Variants in RGS6 observed in about 807,000 individuals in gnomAD.
RGS6 encodes regulator of G-protein signaling 6.
Under a neutral mutation model 78.5 loss-of-function variants are expected in RGS6, and 30 were observed. That is an observed-to-expected ratio of 0.38 (90% CI 0.29 to 0.52). The LOEUF is 0.52. Among genes scored for constraint, RGS6 ranks in the 20% least tolerant of loss-of-function variants. The pLI, the probability that RGS6 is intolerant of heterozygous loss-of-function variation, is 0.85. For missense variants in RGS6, 495 were observed against 609.7 expected (o/e 0.81, Z 1.98); for synonymous variants, 206 against 206.0 (o/e 1.00, Z 0.00).
chr14:72,030,482 T>A (rs1459820187), intron 2 of RGS6, among the ~76,000 whole-genome samples: 1 of 152,184 alleles, frequency 6.6e-6, no homozygotes, highest in Non-Finnish European at 1.5e-5. Flanking sequence ...TGGACATGGT[T>A]GATTATGGTA....
At chr14:72,298,069 A>G (rs981568322) in intron 2 of RGS6, among the ~76,000 whole-genome samples, 2 of 152,132 alleles carry the variant, frequency 1.3e-5, no homozygotes, top group African/African-American at 2.4e-5. Flanking sequence ...TGTCTTGCAG[A>G]TGATTTTATA....
chr14:72,282,472 G>A (rs146807089), intron 2 of RGS6, among the ~76,000 whole-genome samples: 301 of 152,286 alleles, frequency 2.0e-3, no homozygotes, highest in Non-Finnish European at 3.2e-3. Context: ...TAACAGAGGG[G>A]TTGGAAGACA....
chr14:72,125,360 G>A (rs2096163173), intron 2 of RGS6, among the ~76,000 whole-genome samples: 1 of 152,144 alleles, frequency 6.6e-6, no homozygotes, highest in Non-Finnish European at 1.5e-5. Context: ...GCTGTGCTGT[G>A]CGTGTACTGG....
At chr14:72,619,309 G>A in the RGS6 span, 6 of 1,536,134 alleles carry the variant, frequency 3.9e-6, no homozygotes, top group Non-Finnish European at 5.2e-6. Context: ...AGGCCTGGCA[G>A]CCAAAGGCTG....
At chr14:72,239,474 T>C (rs1031828647) in intron 2 of RGS6, among the ~76,000 whole-genome samples, 5 of 152,234 alleles carry the variant, frequency 3.3e-5, no homozygotes, top group South Asian at 2.1e-4. Context: ...TGCTGAATTA[T>C]CATTTTTAGA....
At chr14:72,604,492 A>T in the RGS6 span, among the ~76,000 whole-genome samples, 1 of 152,012 alleles carries the variant, frequency 6.6e-6, no homozygotes, top group Non-Finnish European at 1.5e-5. Context: ...TACATGCTAT[A>T]CCTCTCAGTT....
At chr14:72,602,316 G>C in the RGS6 span, among the ~76,000 whole-genome samples, 2 of 152,204 alleles carry the variant, frequency 1.3e-5, no homozygotes, top group African/African-American at 4.8e-5. Flanking sequence ...GTCGACGAGA[G>C]GATGGTAGGA....
intron 16 of RGS6, among the ~76,000 whole-genome samples, chr14:72,538,996 T>G (rs1328050959): frequency 2.6e-5 from 4 of 152,216 alleles, no homozygotes; most frequent in Non-Finnish European, 5.9e-5. Flanking sequence ...TATGTTTGTG[T>G]CTATGTGAGT....
At chr14:72,505,700 T>C (rs28378098) in intron 13 of RGS6, among the ~76,000 whole-genome samples, 2,065 of 152,310 alleles carry the variant, frequency 0.014, 43 homozygotes, top group African/African-American at 0.047. Flanking sequence ...GGCTGCCACC[T>C]ACCAGCTGTG....
At chr14:72,515,604 T>G (rs1461345976) in intron 14 of RGS6, 3 of 152,284 alleles carry the variant, frequency 2.0e-5, no homozygotes, top group Non-Finnish European at 4.4e-5. Flanking sequence ...AGGCGGAGGT[T>G]GCAGTGAGCC....
At chr14:72,092,272 AC>A (rs1402091914) in intron 2 of RGS6, among the ~76,000 whole-genome samples, 5 of 151,212 alleles carry the variant, frequency 3.3e-5, no homozygotes, top group Admixed American at 3.3e-4. Flanking sequence ...TGATCCACCC[AC>A]TTCGGCCTCC....
intron 3 of RGS6, among the ~76,000 whole-genome samples, chr14:72,428,598 A>G (rs982906668): frequency 1.3e-5 from 2 of 152,158 alleles, no homozygotes; most frequent in Admixed American, 6.5e-5. Flanking sequence ...CTCTTCATCA[A>G]TGGTCAAATA....
At chr14:72,312,092 A>G (rs2068762097) in intron 2 of RGS6, among the ~76,000 whole-genome samples, 1 of 152,164 alleles carries the variant, frequency 6.6e-6, no homozygotes, top group Admixed American at 6.5e-5. Context: ...GCCTGAGGTT[A>G]CCAGGTTCAC....
At chr14:71,981,501 CTGTTGGAATA>C (rs2094449577) in intron 2 of RGS6, among the ~76,000 whole-genome samples, 1 of 151,658 alleles carries the variant, frequency 6.6e-6, no homozygotes, top group Non-Finnish European at 1.5e-5. Flanking sequence ...AGCTGCAGGT[CTGTTGGAATA>C]CCCGGCCGTG....
At chr14:71,921,839 T>C in the RGS6 span, among the ~76,000 whole-genome samples, 24 of 152,200 alleles carry the variant, frequency 1.6e-4, no homozygotes, top group Admixed American at 5.2e-4. Context: ...AAGCGATTTT[T>C]GATAGGATGG....
At chr14:72,446,997 A>G (rs1405016915) in intron 3 of RGS6, among the ~76,000 whole-genome samples, 1 of 152,054 alleles carries the variant, frequency 6.6e-6, no homozygotes, top group African/African-American at 2.4e-5. Context: ...CAGGCCAGGG[A>G]CCATTACCTG....
chr14:71,948,744 T>C (rs865840081), intron 1 of RGS6, among the ~76,000 whole-genome samples: 8,668 of 116,740 alleles, frequency 0.074, 325 homozygotes, highest in Non-Finnish European at 0.1. Flanking sequence ...CTCTCTCTTT[T>C]TTTTTTTTTT....
intron 2 of RGS6, among the ~76,000 whole-genome samples, chr14:72,166,646 A>T (rs1230385131): frequency 6.6e-6 from 1 of 152,228 alleles, no homozygotes; most frequent in Non-Finnish European, 1.5e-5. Context: ...GAAGCATAGG[A>T]GACCTTCTTG....
intron 3 of RGS6, among the ~76,000 whole-genome samples, chr14:72,424,690 T>G (rs2094356570): frequency 6.6e-6 from 1 of 152,268 alleles, no homozygotes; most frequent in South Asian, 2.1e-4. Flanking sequence ...AGTGTGATTT[T>G]AATCCTTTGC....
Sources: gnomAD v4.1 joint callset for allele counts (sites outside exome capture counted in the v4.1 genomes callset) on GRCh38, gnomAD v4.1.1 for gene constraint, MANE v1.5 for transcripts, NCBI Gene and HGNC (gene_info 2026-07-23, HGNC 2026-07-21) for gene names.